The following MGAT5 variants were observed in gnomAD, a reference collection of about 807,000 sequenced individuals.
The protein encoded by MGAT5 is alpha-1,6-mannosylglycoprotein 6-beta-N-acetylglucosaminyltransferase A.
Under a neutral mutation model 94.3 loss-of-function variants are expected in MGAT5, and 30 were observed. That is an observed-to-expected ratio of 0.32 (90% CI 0.24 to 0.43). The LOEUF (loss-of-function observed/expected upper bound fraction) is 0.43. MGAT5 is among the 20% of genes least tolerant of loss of function. The probability of loss-of-function intolerance (pLI) is 1.00; values close to 1 mark genes in which losing one functional copy is unlikely to be tolerated. For synonymous variants in MGAT5, 310 were observed against 322.9 expected (o/e 0.96, Z 0.43); for missense variants, 691 against 905.5 (o/e 0.76, Z 3.04).
At chr2:134,415,833 G>A (rs1185178017) in intron 12 of MGAT5, among the ~76,000 whole-genome samples, 1 of 152,086 alleles carries the variant, frequency 6.6e-6, no homozygotes, top group Non-Finnish European at 1.5e-5. Context: ...TCTTATGCTT[G>A]TGGAAATCAA....
intron 14 of MGAT5, among the ~76,000 whole-genome samples, chr2:134,430,096 G>A (rs1464194950): frequency 1.3e-5 from 2 of 152,194 alleles, no homozygotes; most frequent in Non-Finnish European, 2.9e-5. Context: ...CTGCAAAGAG[G>A]AGTTGCAGGG....
intron 1 of MGAT5, among the ~76,000 whole-genome samples, chr2:134,238,145 G>A (rs540242334): frequency 6.2e-4 from 95 of 152,260 alleles, no homozygotes; most frequent in African/African-American, 2.2e-3. Flanking sequence ...TGAGGCACTA[G>A]AGAACACTGA....
intron 1 of MGAT5, among the ~76,000 whole-genome samples, chr2:134,122,091 A>G (rs1428515868): frequency 6.7e-6 from 1 of 150,278 alleles, no homozygotes; most frequent in African/African-American, 2.5e-5. Flanking sequence ...AGTAAAGATT[A>G]GAGCAAAGCT....
chr2:134,141,107 AGG>A (rs1221460728), intron 1 of MGAT5, among the ~76,000 whole-genome samples: 2 of 152,208 alleles, frequency 1.3e-5, no homozygotes, highest in Non-Finnish European at 2.9e-5. Flanking sequence ...AGAGTTATCT[AGG>A]GTTCCTGATA....
At chr2:134,270,831 G>A (rs1208685121) in intron 2 of MGAT5, among the ~76,000 whole-genome samples, 1 of 152,232 alleles carries the variant, frequency 6.6e-6, no homozygotes, top group Non-Finnish European at 1.5e-5. Flanking sequence ...TCATGGCATA[G>A]ATTAAATGAA....
At chr2:134,222,089 G>A (rs1680803085) in intron 1 of MGAT5, among the ~76,000 whole-genome samples, 1 of 152,082 alleles carries the variant, frequency 6.6e-6, no homozygotes, top group South Asian at 2.1e-4. Context: ...GCTCTGACCT[G>A]AGGTAGTAGC....
intron 9 of MGAT5, among the ~76,000 whole-genome samples, chr2:134,355,688 T>G (rs1679688905): frequency 6.6e-6 from 1 of 152,352 alleles, no homozygotes; most frequent in Middle Eastern, 3.4e-3. Context: ...AAGAGAAAGC[T>G]CTAAAATTGA....
chr2:134,449,351 T>G lies in MGAT5; in HGVS notation c.*504T>G. The G allele has an allele frequency of 5.7e-6, 1 of 176,700 alleles. No homozygotes were observed. The allele number at this position is 176,700 out of a possible 1,614,324, so 10.9% of individuals were successfully genotyped here. ...TCACTATACTGTTGTTCTGTCTGCT[T>G]TGGGCAGGGTGCAGGAGAGAGACCG... is the stretch of plus-strand genomic sequence containing the variant. On this transcript the variant is annotated 3_prime_UTR_variant, in exon 16 of 16. Coordinates refer to ENST00000281923, the MANE Select transcript of MGAT5 (RefSeq NM_002410.5).
intron 1 of MGAT5, among the ~76,000 whole-genome samples, chr2:134,246,431 A>G (rs1682265037): frequency 6.6e-6 from 1 of 152,128 alleles, no homozygotes; most frequent in Middle Eastern, 3.2e-3. Flanking sequence ...TTTATTTTAG[A>G]AGAGAAAGCT....
intron 2 of MGAT5, among the ~76,000 whole-genome samples, chr2:134,287,905 G>A (rs1370523012): frequency 6.6e-6 from 1 of 152,164 alleles, no homozygotes; most frequent in South Asian, 2.1e-4. Context: ...TAAATACTTG[G>A]TATTTTCCTT....
At chr2:134,364,777 C>T (rs4129958) in intron 10 of MGAT5, among the ~76,000 whole-genome samples, 18 of 152,168 alleles carry the variant, frequency 1.2e-4, no homozygotes, top group Non-Finnish European at 2.4e-4. Context: ...ATGAAAAATC[C>T]TATAAAGTTT....
chr2:134,362,514 G>A, intron 10 of MGAT5, 106 bp downstream of exon 10: 2 of 1,346,272 alleles, frequency 1.5e-6, no homozygotes, highest in South Asian at 2.8e-5. Context: ...GGGCTTAATG[G>A]GATCTACTTA....
At chr2:134,277,467 C>T (rs62167963) in intron 2 of MGAT5, among the ~76,000 whole-genome samples, 3,027 of 152,216 alleles carry the variant, frequency 0.02, 54 homozygotes, top group Non-Finnish European at 0.034. Context: ...GGAAGTGCCA[C>T]ACTTTAAAAT....
At chr2:134,284,294 C>T (rs1484917474) in intron 2 of MGAT5, among the ~76,000 whole-genome samples, 1 of 152,114 alleles carries the variant, frequency 6.6e-6, no homozygotes, top group Non-Finnish European at 1.5e-5. Flanking sequence ...GGCCCATGGG[C>T]CAAATTAGTC....
chr2:134,262,187 G>C (rs927877236), intron 1 of MGAT5, among the ~76,000 whole-genome samples: 1 of 152,156 alleles, frequency 6.6e-6, no homozygotes, highest in African/African-American at 2.4e-5. Context: ...AAGGCACTTA[G>C]ATTAATTTAG....
chr2:134,307,372 C>T (rs11884316), intron 2 of MGAT5, among the ~76,000 whole-genome samples: 2,641 of 138,384 alleles, frequency 0.019, 88 homozygotes, highest in African/African-American at 0.062. Context: ...TTTTAAATTA[C>T]ACATGGTCAC....
At chr2:134,162,802 A>G (rs1297861611) in intron 1 of MGAT5, among the ~76,000 whole-genome samples, 4 of 152,218 alleles carry the variant, frequency 2.6e-5, no homozygotes, top group Non-Finnish European at 2.9e-5. Flanking sequence ...TTTAACACCA[A>G]TGACCATGTG....
At chr2:134,424,628 A>C (rs942212460) in intron 13 of MGAT5, among the ~76,000 whole-genome samples, 3 of 152,184 alleles carry the variant, frequency 2.0e-5, no homozygotes, top group African/African-American at 7.2e-5. Flanking sequence ...TTAGTATATG[A>C]GCTTCCTAGG....
chr2:134,229,482 T>C lies in MGAT5; in HGVS notation c.-142-24780T>C, dbSNP rs144517297. On this transcript the variant is annotated intron_variant, in intron 1 of 16. Coordinates refer to the MGAT5 transcript ENST00000409645. ...ATTAATTAATCAGCTAAATAAGATC[T>C]TTGCCGTGTTTATTTTATATTTGTA... is the stretch of plus-strand genomic sequence containing the variant. Among the ~76,000 whole-genome samples, 1,125 of 152,364 alleles carry C rather than the reference T, an allele frequency of 7.4e-3. 12 individuals are homozygous for C. The highest frequency in any genetic ancestry group is 0.033 in the East Asian group (170 of 5,188).
Sources: allele counts gnomAD v4.1 joint callset (sites outside exome capture counted in the v4.1 genomes callset), GRCh38; gene constraint gnomAD v4.1.1; transcripts MANE v1.5; gene names NCBI Gene and HGNC (gene_info 2026-07-23, HGNC 2026-07-21).